AR: variants seen among roughly 807,000 people sequenced by gnomAD.
The protein encoded by AR is androgen receptor.
AR carries 8 observed loss-of-function variants against 53.9 expected under a neutral mutation model. The observed-to-expected ratio is 0.15, with a 90% confidence interval of 0.09 to 0.27. The LOEUF (loss-of-function observed/expected upper bound fraction) is 0.27. AR is among the 10% of genes least tolerant of loss of function. The probability of loss-of-function intolerance (pLI) is 1.00; values close to 1 mark genes in which losing one functional copy is unlikely to be tolerated. For synonymous variants in AR, 359 were observed against 316.4 expected, an observed-to-expected ratio of 1.13 and a Z score of -1.43; for missense variants, 639 against 742.5, an observed-to-expected ratio of 0.86 and a Z score of 1.62.
At chrX:67,597,548 CT>C (rs1923141951) in intron 1 of AR, among the ~76,000 whole-genome samples, 1 of 112,149 alleles carries the variant, frequency 8.9e-6, no homozygotes, top group Non-Finnish European at 1.9e-5. Context: ...AACCTGGGCA[CT>C]TTTCTGATTT....
chrX:67,729,371 A>C lies in AR; in HGVS notation c.*5530A>C, dbSNP rs1032459097. The C allele has an allele frequency of 5.8e-6, 1 of 172,268 alleles. No individual in the cohort carries two copies. Among genetic ancestry groups the C allele is most frequent in the Non-Finnish European group, 1.1e-5 (1 of 90,694 alleles). The allele number at this position is 172,268 out of a possible 1,213,427, so 14.2% of individuals were successfully genotyped here. ...GAAGGCAGAAAAATCCACATTAGTT[A>C]CTCCTCTTCAGACATTTCAGCTGAG... is the stretch of plus-strand genomic sequence containing the variant. On this transcript the variant is annotated 3_prime_UTR_variant, in exon 8 of 8. Transcript: ENST00000374690.
At chrX:67,622,344 G>A (rs950684918) in intron 1 of AR, among the ~76,000 whole-genome samples, 54 of 111,432 alleles carry the variant, frequency 4.8e-4, no homozygotes, top group Admixed American at 4.6e-3. Flanking sequence ...GCTCACAGAA[G>A]ACAGCAGATG....
At chrX:67,569,139 C>T in intron 1 of AR, 2 of 750,279 alleles carry the variant, frequency 2.7e-6, no homozygotes, top group Non-Finnish European at 3.7e-6. Context: ...GGCATCTAGA[C>T]TAGCTTGCTT....
intron 2 of AR, among the ~76,000 whole-genome samples, chrX:67,683,312 T>C (rs1464134768): frequency 1.8e-5 from 2 of 111,584 alleles, no homozygotes; most frequent in Non-Finnish European, 3.8e-5. Context: ...AATAAGTTAC[T>C]ATCCTAAAAA....
At chrX:67,594,484 G>GATTA (rs1922989918) in intron 1 of AR, among the ~76,000 whole-genome samples, 2 of 112,089 alleles carry the variant, frequency 1.8e-5, no homozygotes, top group Admixed American at 1.9e-4. Context: ...AGCATATGTA[G>GATTA]ATTAGCACTA....
At chrX:67,696,372 A>T (rs2076020892) in intron 3 of AR, among the ~76,000 whole-genome samples, 1 of 111,183 alleles carries the variant, frequency 9.0e-6, no homozygotes, top group African/African-American at 3.3e-5. Flanking sequence ...TTTGTCCCTC[A>T]CTCAGGGTGG....
rs1225791529 is a variant in AR, at chrX:67,666,918, T to G, written c.1769-19092T>G. Among the ~76,000 whole-genome samples, 12 of 111,593 alleles carry G rather than the reference T, an allele frequency of 1.1e-4. No homozygotes were observed. The Admixed American group carries it at 1.1e-3, about 11-fold the overall frequency. On this transcript the variant is annotated intron_variant, in intron 2 of 7. Transcript: ENST00000374690. The stretch of plus-strand genomic sequence containing the variant: ...TTTTTAATCAGATTGTTAGATTTTT[T>G]TTTTCCTACAGAGTGCTTGAGCTCT...
intron 1 of AR, among the ~76,000 whole-genome samples, chrX:67,634,807 T>G (rs1415501619): frequency 1.8e-5 from 2 of 111,579 alleles, no homozygotes; most frequent in African/African-American, 6.5e-5. Flanking sequence ...AACTCTGATT[T>G]TATCTTAAAA....
chrX:67,725,837 G>T lies in AR; in HGVS notation c.*1996G>T. ...TTTGCCACCCATGAACTCAGGGTGT[G>T]CCCTGGGACACTGGTTTTATATAGT... On this transcript the variant is annotated 3_prime_UTR_variant, in exon 8 of 8. Transcript: ENST00000374690. 1 of 175,788 alleles carries T rather than the reference G, an allele frequency of 5.7e-6. No homozygotes were observed. The allele number at this position is 175,788 out of a possible 1,213,427, so 14.5% of individuals were successfully genotyped here. A position where few individuals can be genotyped will look rare whatever the true frequency, so the allele number is the denominator to read the frequency against.
At chrX:67,695,918 C>T in intron 3 of AR, 13 of 753,849 alleles carry the variant, frequency 1.7e-5, no homozygotes, top group Non-Finnish European at 1.9e-5. Flanking sequence ...GGGGAGTTTC[C>T]CCCTTCTCAG....
At chrX:67,556,102 T>C (rs1921041131) in intron 1 of AR, among the ~76,000 whole-genome samples, 1 of 112,532 alleles carries the variant, frequency 8.9e-6, no homozygotes. Flanking sequence ...TTGCATTTCA[T>C]TCTTGTTTCT....
chrX:67,603,395 T>C, intron 1 of AR, among the ~76,000 whole-genome samples: 1 of 111,734 alleles, frequency 8.9e-6, no homozygotes, highest in Middle Eastern at 4.6e-3. Flanking sequence ...GAAGTGCTTG[T>C]CGCCTTGAGA....
chrX:67,683,740 T>C (rs1481969045), intron 2 of AR, among the ~76,000 whole-genome samples: 3 of 112,341 alleles, frequency 2.7e-5, no homozygotes, highest in African/African-American at 9.7e-5. Flanking sequence ...ATGGCTTTGG[T>C]TGTACTGGGC....
At chrX:67,686,298 T>C (rs2075966382) in intron 3 of AR, among the ~76,000 whole-genome samples, 172 bp downstream of exon 3, 1 of 110,947 alleles carries the variant, frequency 9.0e-6, no homozygotes, top group South Asian at 3.8e-4. Flanking sequence ...AGCTGGTGCC[T>C]TTTTTTTAAT....
intron 3 of AR, chrX:67,694,960 T>G (rs746991553): frequency 3.9e-5 from 39 of 989,151 alleles, no homozygotes; most frequent in Non-Finnish European, 5.0e-5. Context: ...TGGTTACCAT[T>G]CATGTAGTTG....
chrX:67,686,175 C>T (rs2075965868), intron 3 of AR, 49 bp downstream of exon 3: 1 of 1,126,504 alleles, frequency 8.9e-7, no homozygotes, highest in African/African-American at 1.8e-5. Flanking sequence ...TCCCCCTTCT[C>T]CCTCATTTTC....
chrX:67,658,414 T>C (rs1337827040), intron 2 of AR, among the ~76,000 whole-genome samples: 1 of 112,412 alleles, frequency 8.9e-6, no homozygotes, highest in Non-Finnish European at 1.9e-5. Context: ...TAATTGTGTT[T>C]GGCTATGGGC....
intron 3 of AR, chrX:67,689,775 A>C: frequency 1.2e-6 from 1 of 818,380 alleles, no homozygotes; most frequent in Non-Finnish European, 1.5e-6. Context: ...ACTTACAAAA[A>C]AAGTCCAAAT....
At chrX:67,557,315 A>G (rs1379866312) in intron 1 of AR, among the ~76,000 whole-genome samples, 1 of 111,700 alleles carries the variant, frequency 9.0e-6, no homozygotes, top group Non-Finnish European at 1.9e-5. Flanking sequence ...TGTGAAAAAA[A>G]TAGAGATGAG....
Sources: allele counts gnomAD v4.1 joint callset (sites outside exome capture counted in the v4.1 genomes callset), GRCh38; gene constraint gnomAD v4.1.1; transcripts MANE v1.5; gene names NCBI Gene and HGNC (gene_info 2026-07-23, HGNC 2026-07-21).